RFX3: variants seen among roughly 807,000 people sequenced by gnomAD.
RFX3 encodes the protein regulatory factor X3.
In RFX3, 14 loss-of-function variants were observed where a neutral mutation model predicts 98.6. The ratio of observed to expected loss-of-function variants is 0.14; its 90% confidence interval spans 0.09 to 0.22. The LOEUF is 0.22. Among genes scored for constraint, RFX3 ranks in the 10% least tolerant of loss-of-function variants. RFX3 has a pLI of 1.00. For missense variants in RFX3, 639 were observed against 926.9 expected (o/e 0.69, Z 4.03); for synonymous variants, 383 against 328.4 (o/e 1.17, Z -1.80).
At chr9:3,424,406 G>A (rs1248778643) in intron 1 of RFX3, among the ~76,000 whole-genome samples, 3 of 121,630 alleles carry the variant, frequency 2.5e-5, no homozygotes, top group Admixed American at 1.0e-4. Context: ...CTGTCGCCCA[G>A]GCTGGAGTGC....
chr9:3,355,796 T>C (rs2131309345), intron 2 of RFX3, among the ~76,000 whole-genome samples: 1 of 151,786 alleles, frequency 6.6e-6, no homozygotes, highest in African/African-American at 2.4e-5. Flanking sequence ...ATAAAACAAG[T>C]CCCAACAAAT....
intron 2 of RFX3, among the ~76,000 whole-genome samples, chr9:3,351,291 T>G (rs370738184): frequency 4.3e-4 from 65 of 152,102 alleles, no homozygotes; most frequent in African/African-American, 1.6e-3. Flanking sequence ...ACTAAAATCT[T>G]TTTTTTAAAG....
rs368455767 is a variant in RFX3 at position 3,353,045 on chromosome 9, T to C, written c.118-6281A>G. The stretch of plus-strand genomic sequence containing the variant: ...AAAAATGATGAGTTCACGTCCTTTG[T>C]AGGGACATGGATGAAACTGGAAATC... On this transcript the variant is annotated intron_variant, in intron 2 of 16. Coordinates refer to ENST00000617270, the MANE Select transcript of RFX3 (RefSeq NM_001282116.2). 2.1e-4 allele frequency among the ~76,000 whole-genome samples: 32 copies of C among 152,054 alleles called. No homozygotes were observed. In the East Asian group the frequency reaches 4.8e-3, roughly 23 times the overall value.
chr9:3,424,651 C>T (rs958217167), intron 1 of RFX3, among the ~76,000 whole-genome samples: 7 of 151,964 alleles, frequency 4.6e-5, no homozygotes, highest in South Asian at 2.1e-4. Flanking sequence ...TGAGCCACCG[C>T]GCCCGGCCCA....
At chr9:3,467,269 T>C (rs1377579479) in intron 1 of RFX3, among the ~76,000 whole-genome samples, 5 of 145,798 alleles carry the variant, frequency 3.4e-5, no homozygotes, top group South Asian at 4.2e-4. Context: ...TATATGTACA[T>C]ACATACATAT....
chr9:3,443,643 G>A (rs188029093), intron 1 of RFX3, among the ~76,000 whole-genome samples: 22 of 152,240 alleles, frequency 1.4e-4, no homozygotes, highest in South Asian at 1.0e-3. Flanking sequence ...CTTTGCTATT[G>A]TGAATAGTGC....
chr9:3,432,594 A>G (rs1216982019), intron 1 of RFX3, among the ~76,000 whole-genome samples: 4 of 152,218 alleles, frequency 2.6e-5, no homozygotes, highest in Admixed American at 2.6e-4. Context: ...GCCAAAAAAA[A>G]GGTAATGGAT....
intron 1 of RFX3, among the ~76,000 whole-genome samples, chr9:3,429,242 T>C (rs950582062): frequency 6.6e-6 from 1 of 151,014 alleles, no homozygotes; most frequent in Non-Finnish European, 1.5e-5. Flanking sequence ...CAAGATGGTC[T>C]CGATCTCCTG....
In RFX3 at chr9:3,441,613, C is replaced by T. The variant is rs1312870417; in HGVS notation, c.-8-46017G>A. 2.6e-5 allele frequency among the ~76,000 whole-genome samples: 4 copies of T among 152,058 alleles called. No homozygotes were observed. The East Asian group carries it at 7.7e-4, about 29-fold the overall frequency. On this transcript the variant is annotated intron_variant, in intron 1 of 16. Transcript: ENST00000617270. ...AAGTTAAGGAGACACAGGAGCCAAC[C>T]TAAAAGAGCTCTCAATGGCCAAAGC...
chr9:3,385,624 C>T (rs553804376), intron 2 of RFX3, among the ~76,000 whole-genome samples: 1 of 149,684 alleles, frequency 6.7e-6, no homozygotes, highest in Non-Finnish European at 1.5e-5. Flanking sequence ...AGGAGAATCA[C>T]TTGAACCCAG....
intron 1 of RFX3, among the ~76,000 whole-genome samples, chr9:3,504,979 A>T (rs1198295073): frequency 2.5e-5 from 2 of 81,506 alleles, no homozygotes; most frequent in Non-Finnish European, 4.2e-5. Flanking sequence ...TATATTATAT[A>T]ATATATATGT....
At chr9:3,232,741 G>C (rs942179361) in intron 15 of RFX3, among the ~76,000 whole-genome samples, 1 of 141,750 alleles carries the variant, frequency 7.1e-6, no homozygotes, top group Non-Finnish European at 1.5e-5. Flanking sequence ...TGTTAGATTT[G>C]AGACCAGATA....
At chr9:3,323,911 G>A in intron 4 of RFX3, 1 of 300,038 alleles carries the variant, frequency 3.3e-6, no homozygotes, top group Non-Finnish European at 7.9e-6. Context: ...GAGCAGTGTG[G>A]AACTGACTGA....
At position 3,239,851 on chromosome 9, in the gene RFX3, C is replaced by T. The variant is rs1819685120; in HGVS notation, c.1968+8181G>A. On this transcript the variant is annotated intron_variant, in intron 15 of 16. Coordinates refer to ENST00000617270, the MANE Select transcript of RFX3 (RefSeq NM_001282116.2). ...CTGTGCTTCCCTCCCTCCTCCCATA[C>T]CACCTCTTCTTATCTGAGACCCTAG... is the stretch of plus-strand genomic sequence containing the variant. Among the ~76,000 whole-genome samples, 3 of 152,208 alleles carry T rather than the reference C, an allele frequency of 2.0e-5. No individual in the cohort carries two copies. In the South Asian group the frequency reaches 6.2e-4, roughly 31 times the overall value.
chr9:3,264,751 C>T (rs1823391533), intron 12 of RFX3, among the ~76,000 whole-genome samples: 1 of 152,128 alleles, frequency 6.6e-6, no homozygotes. Flanking sequence ...TAAATTGTCT[C>T]TGTTAATTGA....
chr9:3,344,685 A>C (rs774775649), intron 3 of RFX3: 1 of 598,836 alleles, frequency 1.7e-6, no homozygotes, highest in Non-Finnish European at 3.0e-6. Flanking sequence ...GCAGGTGCCC[A>C]TTACTACTTG....
At chr9:3,364,263 T>C (rs1461818259) in intron 2 of RFX3, 1 of 156,062 alleles carries the variant, frequency 6.4e-6, no homozygotes, top group African/African-American at 2.4e-5. Context: ...TTCACTTTTT[T>C]TTTTCAATTT....
chr9:3,329,407 C>CAAAAAAAAAAAA (rs1202028884), intron 4 of RFX3, among the ~76,000 whole-genome samples: 9 of 38,134 alleles, frequency 2.4e-4, no homozygotes, highest in South Asian at 9.6e-4. Flanking sequence ...GACTTCATCT[C>CAAAAAAAAAAAA]AAAAAAAAAA....
At chr9:3,311,373 T>C (rs534609303) in intron 4 of RFX3, among the ~76,000 whole-genome samples, 19 of 152,326 alleles carry the variant, frequency 1.2e-4, no homozygotes, top group Admixed American at 1.1e-3. Context: ...TTGTGATGGC[T>C]GGCATCAGCA....
Sources: allele counts gnomAD v4.1 joint callset (sites outside exome capture counted in the v4.1 genomes callset), GRCh38; gene constraint gnomAD v4.1.1; transcripts MANE v1.5; gene names NCBI Gene and HGNC (gene_info 2026-07-23, HGNC 2026-07-21).